Variants in STK32B observed in about 807,000 individuals in gnomAD.
STK32B encodes the protein serine/threonine kinase 32B, also known as serine/threonine-protein kinase 32B.
Under a neutral mutation model 52.6 loss-of-function variants are expected in STK32B, and 43 were observed. The ratio of observed to expected loss-of-function variants is 0.82; its 90% CI spans 0.64 to 1.05. STK32B has a LOEUF of 1.05. Among genes scored for constraint, STK32B ranks in the 50% least tolerant of loss-of-function variants. STK32B has a pLI of 0.00. For synonymous variants in STK32B, 238 were observed against 204.3 expected, an observed-to-expected ratio of 1.17 and a Z score of -1.41; for missense variants, 621 against 534.6, an observed-to-expected ratio of 1.16 and a Z score of -1.59.
At chr4:5,326,966 A>G (rs1424954575) in intron 3 of STK32B, among the ~76,000 whole-genome samples, 1 of 152,164 alleles carries the variant, frequency 6.6e-6, no homozygotes, top group East Asian at 1.9e-4. Context: ...AACTAAGCTT[A>G]TGTAATATTC....
intron 3 of STK32B, among the ~76,000 whole-genome samples, chr4:5,206,558 G>A (rs990258970): frequency 2.0e-5 from 3 of 152,124 alleles, no homozygotes; most frequent in East Asian, 3.9e-4. Context: ...GCTGGCTGGC[G>A]AGAGAGTGCC....
intron 6 of STK32B, among the ~76,000 whole-genome samples, chr4:5,425,111 T>C (rs35607245): frequency 0.15 from 23,572 of 152,260 alleles, 2,505 homozygotes; most frequent in East Asian, 0.43. Flanking sequence ...CATGCTCGCT[T>C]GCTCACACAA....
At chr4:5,426,384 T>C (rs1713091755) in intron 6 of STK32B, among the ~76,000 whole-genome samples, 1 of 152,152 alleles carries the variant, frequency 6.6e-6, no homozygotes, top group African/African-American at 2.4e-5. Context: ...GTGGAATATA[T>C]GTTCAAATCA....
chr4:5,321,119 C>T (rs987972726), intron 3 of STK32B, among the ~76,000 whole-genome samples: 5 of 152,118 alleles, frequency 3.3e-5, no homozygotes, highest in East Asian at 3.9e-4. Flanking sequence ...AAGCTGAGTG[C>T]GACTCTAGGC....
chr4:5,279,905 C>T (rs543190354), intron 3 of STK32B, among the ~76,000 whole-genome samples: 5 of 152,336 alleles, frequency 3.3e-5, no homozygotes, highest in Admixed American at 1.3e-4. Flanking sequence ...TGTCCCAAGG[C>T]TGCACAAAGC....
intron 6 of STK32B, among the ~76,000 whole-genome samples, chr4:5,439,875 G>T (rs1476750721): frequency 6.6e-6 from 1 of 151,970 alleles, no homozygotes; most frequent in Non-Finnish European, 1.5e-5. Context: ...TTTCCCCATT[G>T]CTTGTTTTTC....
chr4:5,169,701 T>G (rs535511553), intron 3 of STK32B, among the ~76,000 whole-genome samples: 1 of 152,238 alleles, frequency 6.6e-6, no homozygotes, highest in South Asian at 2.1e-4. Flanking sequence ...TTTGATTGTT[T>G]GGGAGAAATA....
intron 4 of STK32B, among the ~76,000 whole-genome samples, chr4:5,332,179 T>A (rs756541544): frequency 1.3e-5 from 2 of 152,206 alleles, no homozygotes; most frequent in Admixed American, 6.5e-5. Flanking sequence ...AATTTTTCCC[T>A]TGTTAAACTC....
At chr4:5,123,504 CA>C (rs1715183911) in intron 1 of STK32B, among the ~76,000 whole-genome samples, 1 of 152,280 alleles carries the variant, frequency 6.6e-6, no homozygotes, top group South Asian at 2.1e-4. Context: ...TGGGGGGCTT[CA>C]ACAACAAACA....
At chr4:5,030,479 T>C in the STK32B span, among the ~76,000 whole-genome samples, 1 of 152,226 alleles carries the variant, frequency 6.6e-6, no homozygotes, top group Admixed American at 6.5e-5. Context: ...CCTGGCATGA[T>C]AGTCTGGGTG....
chr4:5,420,995 G>A (rs985292406), intron 6 of STK32B, among the ~76,000 whole-genome samples: 2 of 152,188 alleles, frequency 1.3e-5, no homozygotes, highest in Non-Finnish European at 2.9e-5. Flanking sequence ...TGCCTCCCAG[G>A]TTCAGGCGAT....
chr4:5,211,769 A>G (rs1318821514), intron 3 of STK32B, among the ~76,000 whole-genome samples: 3 of 152,170 alleles, frequency 2.0e-5, no homozygotes, highest in African/African-American at 7.2e-5. Flanking sequence ...CACAGAGTAA[A>G]ATGCACATTT....
At position 5,398,143 on chromosome 4, in the gene STK32B, T is replaced by TTGTCTA; in HGVS notation, c.435-60_435-55dup. On this transcript the variant is annotated intron_variant, in intron 4 of 11. Coordinates refer to ENST00000282908, the MANE Select transcript of STK32B (RefSeq NM_018401.3). This position sits in a 1 kb window ranked among gnomAD's most constrained non-coding sequence, Gnocchi z 4.9. The stretch of plus-strand genomic sequence containing the variant: ...TCCAGCATTTGTCCTGATGTGGTGC[T>TTGTCTA]TGTCTATGTGCTCATCTGTGGGCTC... The TTGTCTA allele has an allele frequency of 6.3e-7, 1 of 1,592,194 alleles. No individual in the cohort carries two copies. Among genetic ancestry groups the TTGTCTA allele is most frequent in the Non-Finnish European group, 8.6e-7 (1 of 1,164,716 alleles).
At chr4:5,130,469 G>A (rs1192750328) in intron 1 of STK32B, among the ~76,000 whole-genome samples, 1 of 152,108 alleles carries the variant, frequency 6.6e-6, no homozygotes, top group Non-Finnish European at 1.5e-5. Flanking sequence ...TGTCGGCTTT[G>A]AGAAGGTAGG....
chr4:5,050,942 GCTGT>G (rs1488271606), upstream of STK32B, among the ~76,000 whole-genome samples: 2 of 152,186 alleles, frequency 1.3e-5, no homozygotes, highest in Non-Finnish European at 2.9e-5. Context: ...GCAAACTATG[GCTGT>G]CTGGGGCCTC....
At chr4:5,457,593 C>T (rs1002907420) in intron 8 of STK32B, among the ~76,000 whole-genome samples, 5 of 149,882 alleles carry the variant, frequency 3.3e-5, no homozygotes, top group African/African-American at 9.8e-5. Flanking sequence ...CTCGGCTGGG[C>T]GCAGTGTCTC....
chr4:5,471,174 G>T (rs2109175882), intron 11 of STK32B, among the ~76,000 whole-genome samples: 1 of 152,342 alleles, frequency 6.6e-6, no homozygotes, highest in Non-Finnish European at 1.5e-5. Context: ...TAGAGATACT[G>T]CACCTGCTGC....
chr4:5,168,226 C>T (rs992795288), intron 2 of STK32B, 73 bp from the exon 3 acceptor site: 32 of 1,535,842 alleles, frequency 2.1e-5, no homozygotes, highest in Middle Eastern at 1.7e-4. Flanking sequence ...AAATGCAGTG[C>T]GGGGTGACAT....
intron 4 of STK32B, among the ~76,000 whole-genome samples, chr4:5,351,589 T>C (rs1733828726): frequency 6.6e-6 from 1 of 151,748 alleles, no homozygotes; most frequent in Non-Finnish European, 1.5e-5. Flanking sequence ...TCAAAATTAA[T>C]AAAAGGACAA....
Sources: gnomAD v4.1 joint callset for allele counts (sites outside exome capture counted in the v4.1 genomes callset) on GRCh38, gnomAD v4.1.1 for gene constraint, Gnocchi (gnomAD v3.1) non-coding constraint, MANE v1.5 for transcripts, NCBI Gene and HGNC (gene_info 2026-07-23, HGNC 2026-07-21) for gene names.